The following PKHD1 variants were observed in gnomAD, a reference collection of about 807,000 sequenced individuals.
PKHD1 encodes fibrocystin.
In PKHD1, 291 loss-of-function variants were observed where a neutral mutation model predicts 412.0. The observed-to-expected ratio is 0.71, with a 90% CI of 0.64 to 0.78. The LOEUF is 0.78. PKHD1 is among the 30% of genes least tolerant of loss of function. The pLI, the probability that PKHD1 is intolerant of heterozygous loss-of-function variation, is 0.00. For synonymous variants in PKHD1, 1,777 were observed against 1,821.5 expected (o/e 0.98, Z 0.62); for missense variants, 4,825 against 4,950.7 (o/e 0.97, Z 0.76).
At chr6:51,639,170 C>T (rs866343610) in intron 63 of PKHD1, among the ~76,000 whole-genome samples, 32 of 152,156 alleles carry the variant, frequency 2.1e-4, no homozygotes, top group South Asian at 2.1e-4. Context: ...TTCCACTATG[C>T]CAGACACTGT....
intron 64 of PKHD1, among the ~76,000 whole-genome samples, chr6:51,637,715 C>T (rs925253991): frequency 2.0e-4 from 30 of 151,950 alleles, no homozygotes; most frequent in African/African-American, 7.0e-4. Flanking sequence ...ACCAGCCTGG[C>T]CAACATGGTG....
intron 48 of PKHD1, among the ~76,000 whole-genome samples, chr6:51,866,801 G>A (rs1775128934): frequency 6.6e-6 from 1 of 152,032 alleles, no homozygotes; most frequent in South Asian, 2.1e-4. Flanking sequence ...CTGCATCCCT[G>A]AGAATGAAGA....
intron 50 of PKHD1, among the ~76,000 whole-genome samples, chr6:51,843,211 G>A (rs532268642): frequency 1.1e-4 from 16 of 152,274 alleles, no homozygotes; most frequent in South Asian, 8.3e-4. Context: ...AACAGTGTGC[G>A]CTTGTTCTTA....
chr6:51,744,673 TATAAA>T (rs1403233963), intron 59 of PKHD1, 131 bp from the exon 60 acceptor site: 3 of 703,628 alleles, frequency 4.3e-6, no homozygotes, highest in Non-Finnish European at 7.4e-6. Flanking sequence ...GTTACATAGA[TATAAA>T]ATAAAACTCT....
chr6:51,749,151 G>C (rs147500422), intron 57 of PKHD1, among the ~76,000 whole-genome samples: 1 of 152,164 alleles, frequency 6.6e-6, no homozygotes, highest in Non-Finnish European at 1.5e-5. Flanking sequence ...GTATGAGTGC[G>C]AAATTTCCTT....
intron 52 of PKHD1, among the ~76,000 whole-genome samples, chr6:51,795,474 C>T (rs1314765012): frequency 2.0e-5 from 3 of 152,142 alleles, no homozygotes; most frequent in Admixed American, 2.0e-4. Context: ...CATCTGCAAA[C>T]AAAGATAGTT....
chr6:51,923,595 T>C (rs1393177959), intron 37 of PKHD1, among the ~76,000 whole-genome samples: 9 of 150,924 alleles, frequency 6.0e-5, no homozygotes. Context: ...AAAGAGTTGA[T>C]AAACATAAAA....
At chr6:51,868,182 T>G in intron 47 of PKHD1, 73 bp from the exon 48 acceptor site, 35 of 1,290,458 alleles carry the variant, frequency 2.7e-5, no homozygotes, top group Non-Finnish European at 3.5e-5. Context: ...AGTGATGGTC[T>G]TAGGATTTAA....
intron 28 of PKHD1, among the ~76,000 whole-genome samples, chr6:52,034,084 G>A (rs191237213): frequency 9.9e-4 from 150 of 151,198 alleles, no homozygotes; most frequent in African/African-American, 3.5e-3. Flanking sequence ...AGCCGTGATT[G>A]TACCACTCCA....
intron 55 of PKHD1, among the ~76,000 whole-genome samples, chr6:51,759,524 T>G (rs1041688289): frequency 1.3e-5 from 2 of 151,648 alleles, no homozygotes; most frequent in Admixed American, 6.6e-5. Flanking sequence ...CCATACAGAA[T>G]GAAGAAAACT....
chr6:51,782,780 T>C (rs973953877), intron 53 of PKHD1, among the ~76,000 whole-genome samples: 4 of 152,166 alleles, frequency 2.6e-5, no homozygotes, highest in Non-Finnish European at 4.4e-5. Flanking sequence ...CAAGATTCTC[T>C]CTGGCTGCTC....
At position 51,906,346 on chromosome 6, in the gene PKHD1, T is replaced by C. The variant is rs370800465; in HGVS notation, c.6683-6A>G. The C allele has an allele frequency of 1.9e-6, 3 of 1,609,556 alleles. No homozygotes were observed. Among genetic ancestry groups the C allele is most frequent in the South Asian group, 1.1e-5 (1 of 90,998 alleles). Reference sequence around the variant, plus strand: ...GCAGCCCTGTATGAAAGACTCTGAATAGGAAAGAGTAAAGTAAAAATTAGA... The same window carrying C: ...GCAGCCCTGTATGAAAGACTCTGAACAGGAAAGAGTAAAGTAAAAATTAGA... On this transcript the variant is annotated splice_polypyrimidine_tract_variant and splice_region_variant and intron_variant, in intron 40 of 66. Coordinates refer to ENST00000371117, the MANE Select transcript of PKHD1 (RefSeq NM_138694.4).
At chr6:52,041,777 A>G (rs1177407768) in intron 27 of PKHD1, among the ~76,000 whole-genome samples, 1 of 152,168 alleles carries the variant, frequency 6.6e-6, no homozygotes, top group Non-Finnish European at 1.5e-5. Context: ...TAGCACTAAG[A>G]GTTCTGCATT....
chr6:52,071,939 T>A (rs960624724), intron 8 of PKHD1, among the ~76,000 whole-genome samples, 176 bp downstream of exon 8: 1 of 152,180 alleles, frequency 6.6e-6, no homozygotes. Flanking sequence ...TTTGAATCAA[T>A]CCCTGTGTCT....
Position 52,085,067 on chromosome 6 carries a change from C to T in PKHD1, c.-84-50G>A, listed in dbSNP as rs544472267. 7.0e-6 allele frequency: 5 copies of T among 717,156 alleles called. 1 individual carries two copies. Among genetic ancestry groups the T allele is most frequent in the Admixed American group, 1.9e-5 (1 of 52,246 alleles). The allele number at this position is 717,156 out of a possible 1,614,324, so 44.4% of individuals were successfully genotyped here. A position where few individuals can be genotyped will look rare whatever the true frequency, so the allele number is the denominator to read the frequency against. ...AAAAAATTATCATTTTGTTTACATA[C>T]GATTATTTTGCTGTTCTGAAACCTG... On this transcript the variant is annotated intron_variant, in intron 1 of 66. Coordinates refer to ENST00000371117, the MANE Select transcript of PKHD1 (RefSeq NM_138694.4).
intron 60 of PKHD1, among the ~76,000 whole-genome samples, chr6:51,669,747 T>A (rs1562066106): frequency 7.4e-6 from 1 of 136,034 alleles, no homozygotes; most frequent in Non-Finnish European, 1.5e-5. Context: ...GTATGTTGTG[T>A]CTTTGTTCTC....
intron 52 of PKHD1, among the ~76,000 whole-genome samples, chr6:51,822,506 G>T (rs1472906518): frequency 6.6e-6 from 1 of 152,066 alleles, no homozygotes; most frequent in Non-Finnish European, 1.5e-5. Flanking sequence ...GCCCTAAGAT[G>T]CTGACTTCTA....
intron 53 of PKHD1, among the ~76,000 whole-genome samples, chr6:51,789,545 T>G (rs1040006263): frequency 6.6e-6 from 1 of 151,800 alleles, no homozygotes; most frequent in African/African-American, 2.4e-5. Flanking sequence ...TACCCTACAT[T>G]TTGAAATACA....
rs996551758 is a variant in PKHD1 at position 51,624,824 on chromosome 6, G to C, written c.11785+2173C>G. Among the ~76,000 whole-genome samples the C allele has an allele frequency of 3.9e-5, 6 of 152,174 alleles. 1 individual carries two copies. Among genetic ancestry groups the C allele is most frequent in the Admixed American group, 2.6e-4 (4 of 15,266 alleles). On this transcript the variant is annotated intron_variant, in intron 66 of 66. Transcript: ENST00000371117. The stretch of plus-strand genomic sequence containing the variant: ...CACGGAGAAATTAGTTCTCTTACTT[G>C]AGGCCACAAAGTCTGTCAACAGGGA...
Sources: allele counts gnomAD v4.1 joint callset (sites outside exome capture counted in the v4.1 genomes callset), GRCh38; gene constraint gnomAD v4.1.1; transcripts MANE v1.5; gene names NCBI Gene and HGNC (gene_info 2026-07-23, HGNC 2026-07-21).